PACRG: variants seen among roughly 807,000 people sequenced by gnomAD.
PACRG encodes parkin coregulated gene protein.
Under a neutral mutation model 29.7 loss-of-function variants are expected in PACRG, and 29 were observed. The ratio of observed to expected loss-of-function variants is 0.98; its 90% confidence interval spans 0.73 to 1.33. The LOEUF is 1.33. Among genes scored for constraint, PACRG ranks in the 40% most tolerant of loss-of-function variants. The probability of loss-of-function intolerance (pLI) is 0.00; values close to 1 mark genes in which losing one functional copy is unlikely to be tolerated. For synonymous variants in PACRG, 116 were observed against 118.7 expected (o/e 0.98, Z 0.15); for missense variants, 279 against 316.2 (o/e 0.88, Z 0.89).
chr6:162,947,358 TAATGTAATC>T (rs1799139070), intron 2 of PACRG, among the ~76,000 whole-genome samples: 1 of 56,024 alleles, frequency 1.8e-5, no homozygotes, highest in African/African-American at 7.2e-5. Flanking sequence ...TACATATATA[TAATGTAATC>T]ATATATAATC....
chr6:163,043,348 G>C (rs1312993762), intron 2 of PACRG, among the ~76,000 whole-genome samples: 2 of 152,196 alleles, frequency 1.3e-5, no homozygotes, highest in Non-Finnish European at 2.9e-5. Flanking sequence ...TTGAGGTCAG[G>C]AGTTTGAGAC....
intron 2 of PACRG, among the ~76,000 whole-genome samples, chr6:163,013,901 G>A (rs1446367178): frequency 1.3e-5 from 2 of 149,714 alleles, no homozygotes; most frequent in African/African-American, 5.0e-5. Context: ...TTGGCTTTTG[G>A]TTAATTTGAA....
intron 2 of PACRG, among the ~76,000 whole-genome samples, chr6:162,887,180 C>G (rs879444527): frequency 1.3e-4 from 20 of 152,276 alleles, no homozygotes; most frequent in Admixed American, 1.3e-3. Context: ...CTTGAACTCC[C>G]TACCTCAGGT....
intron 4 of PACRG, among the ~76,000 whole-genome samples, chr6:163,181,917 A>G (rs1334399939): frequency 2.0e-5 from 3 of 152,190 alleles, no homozygotes; most frequent in African/African-American, 7.2e-5. Context: ...CCACGCCCCC[A>G]GAATACTATT....
At chr6:162,896,983 C>T (rs1301634878) in intron 2 of PACRG, among the ~76,000 whole-genome samples, 2 of 152,210 alleles carry the variant, frequency 1.3e-5, no homozygotes, top group South Asian at 2.1e-4. Flanking sequence ...ACTTGAATTT[C>T]TTGCTTCCTT....
At chr6:163,122,286 T>C (rs1269974383) in intron 4 of PACRG, among the ~76,000 whole-genome samples, 3 of 150,992 alleles carry the variant, frequency 2.0e-5, no homozygotes, top group East Asian at 3.9e-4. Context: ...TTAACGCATT[T>C]ACACACACAC....
chr6:162,886,749 C>A lies in PACRG; in HGVS notation c.291+72468C>A, dbSNP rs531536670. On this transcript the variant is annotated intron_variant, in intron 2 of 4. Coordinates refer to ENST00000366888, the MANE Select transcript of PACRG (RefSeq NM_001080379.2). ...TCTAGAGGAGAGTGTGTCAGTATCTCTTCTAAGTATTAGACACATTCATTT... is the reference window on the plus strand; with the variant it reads ...TCTAGAGGAGAGTGTGTCAGTATCTATTCTAAGTATTAGACACATTCATTT... Among the ~76,000 whole-genome samples the A allele has an allele frequency of 2.3e-3, 357 of 152,072 alleles. 2 individuals carry two copies. The highest frequency in any genetic ancestry group is 8.2e-3 in the African/African-American group (340 of 41,470).
chr6:162,947,634 A>ACC (rs1799330396), intron 2 of PACRG, among the ~76,000 whole-genome samples: 1 of 76,218 alleles, frequency 1.3e-5, no homozygotes, highest in African/African-American at 5.2e-5. Flanking sequence ...ATATATATAT[A>ACC]TATATATATA....
intron 2 of PACRG, among the ~76,000 whole-genome samples, chr6:163,014,900 A>G (rs1805951599): frequency 6.6e-6 from 1 of 151,940 alleles, no homozygotes. Flanking sequence ...GCTTTTGAGG[A>G]CTTAGTCATA....
chr6:163,282,645 G>T (rs958630735), intron 4 of PACRG, among the ~76,000 whole-genome samples: 1 of 151,324 alleles, frequency 6.6e-6, no homozygotes, highest in Admixed American at 6.6e-5. Flanking sequence ...CTGGGAGGTG[G>T]AGGTTGAAAT....
At chr6:163,008,892 T>A (rs758012856) in intron 2 of PACRG, among the ~76,000 whole-genome samples, 2 of 152,082 alleles carry the variant, frequency 1.3e-5, no homozygotes, top group Admixed American at 6.6e-5. Flanking sequence ...GAAACTTCAA[T>A]GAGCTTTAGC....
chr6:162,889,593 C>G (rs908345723), intron 2 of PACRG, among the ~76,000 whole-genome samples: 1 of 152,176 alleles, frequency 6.6e-6, no homozygotes, highest in Non-Finnish European at 1.5e-5. Flanking sequence ...ATTCTGTCTT[C>G]TGTGATTATA....
chr6:163,090,638 T>C (rs1037196677), intron 4 of PACRG, among the ~76,000 whole-genome samples: 6 of 152,230 alleles, frequency 3.9e-5, no homozygotes, highest in Middle Eastern at 3.2e-3. Flanking sequence ...TCATAGTTCA[T>C]ATTTTTACCA....
intron 4 of PACRG, among the ~76,000 whole-genome samples, chr6:163,155,607 A>G (rs921734388): frequency 1.3e-5 from 2 of 152,254 alleles, no homozygotes; most frequent in African/African-American, 2.4e-5. Flanking sequence ...TGCAACAGGG[A>G]AAGTTATCTG....
intron 4 of PACRG, among the ~76,000 whole-genome samples, chr6:163,120,627 C>A (rs189954270): frequency 4.6e-5 from 7 of 152,054 alleles, no homozygotes; most frequent in African/African-American, 1.7e-4. Context: ...CAGAAATCTG[C>A]GTCTACTTTC....
At chr6:163,154,085 G>T (rs1352637680) in intron 4 of PACRG, among the ~76,000 whole-genome samples, 1 of 152,214 alleles carries the variant, frequency 6.6e-6, no homozygotes, top group Admixed American at 6.5e-5. Context: ...TCCCCAGGAG[G>T]GATGTCCCAG....
At chr6:162,995,432 A>T (rs1483709938) in intron 2 of PACRG, among the ~76,000 whole-genome samples, 1 of 152,144 alleles carries the variant, frequency 6.6e-6, no homozygotes, top group Non-Finnish European at 1.5e-5. Flanking sequence ...GGTGTGGGAT[A>T]TAGTCTCGTG....
intron 2 of PACRG, among the ~76,000 whole-genome samples, chr6:162,814,621 A>G (rs575105569): frequency 1.3e-5 from 2 of 152,248 alleles, no homozygotes; most frequent in Admixed American, 1.3e-4. Context: ...AGCAACAGCC[A>G]TTTATCTCCC....
At chr6:163,228,175 G>A (rs945245921) in intron 4 of PACRG, among the ~76,000 whole-genome samples, 1 of 151,668 alleles carries the variant, frequency 6.6e-6, no homozygotes, top group Non-Finnish European at 1.5e-5. Flanking sequence ...CCACTAATCA[G>A]TGTGACAAAA....
Sources: gnomAD v4.1 joint callset for allele counts (sites outside exome capture counted in the v4.1 genomes callset) on GRCh38, gnomAD v4.1.1 for gene constraint, MANE v1.5 for transcripts, NCBI Gene and HGNC (gene_info 2026-07-23, HGNC 2026-07-21) for gene names.